The following NNMT variants were observed in gnomAD, a reference collection of about 807,000 sequenced individuals.
NNMT encodes the protein nicotinamide N-methyltransferase.
In NNMT, 10 loss-of-function variants were observed where a neutral mutation model predicts 11.7. The ratio of observed to expected loss-of-function variants is 0.85; its 90% CI spans 0.53 to 1.45. The LOEUF (loss-of-function observed/expected upper bound fraction) is 1.45, where lower values mean the gene tolerates loss of function less well. Among genes scored for constraint, NNMT ranks in the 40% most tolerant of loss-of-function variants. NNMT has a pLI of 0.00. For synonymous variants in NNMT, 143 were observed against 133.8 expected (o/e 1.07, Z -0.48); for missense variants, 381 against 319.4 (o/e 1.19, Z -1.47).
chr11:114,283,246 G>A (rs1180248045), intron 2 of NNMT, among the ~76,000 whole-genome samples: 1 of 152,186 alleles, frequency 6.6e-6, no homozygotes, highest in African/African-American at 2.4e-5. Flanking sequence ...ATTGTGTTGG[G>A]GAGTTGGAAA....
rs557603024 is a variant in NNMT, at chr11:114,281,517, G to T, written c.-129-14911G>T. Among the ~76,000 whole-genome samples the T allele has an allele frequency of 6.6e-5, 10 of 152,214 alleles. No individual in the cohort carries two copies. The South Asian group carries it at 1.5e-3, about 22-fold the overall frequency. ...CCCAAGCTGACTATTAAAGATAAAA[G>T]AATTTAGACAAGCAAAGGGAGGGAG... is the stretch of plus-strand genomic sequence containing the variant. On this transcript the variant is annotated intron_variant, in intron 2 of 4. Coordinates refer to the NNMT transcript ENST00000535401.
rs117949661 is a variant in NNMT at position 114,273,980 on chromosome 11, T to C, written c.-130+11046T>C. ...TGAACAGGTAATTTACAGTGGTCAA[T>C]TGGCAGTTGAAGTGACAAAGCTTGT... On this transcript the variant is annotated intron_variant, in intron 2 of 4. Transcript: ENST00000535401. Among the ~76,000 whole-genome samples, 459 of 152,284 alleles carry C rather than the reference T, an allele frequency of 3.0e-3. 2 individuals are homozygous for C. Among genetic ancestry groups the C allele is most frequent in the East Asian group, 0.021 (111 of 5,176 alleles).
At chr11:114,260,855 C>T (rs979675428) in intron 1 of NNMT, among the ~76,000 whole-genome samples, 9 of 152,168 alleles carry the variant, frequency 5.9e-5, no homozygotes, top group Non-Finnish European at 1.2e-4. Context: ...GGGATTCAGT[C>T]GAGGGGACCT....
rs528729246 is a variant in NNMT, at chr11:114,287,331, A to G, written c.-129-9097A>G. Among the ~76,000 whole-genome samples, 6 of 152,312 alleles carry G rather than the reference A, an allele frequency of 3.9e-5. 1 individual carries two copies. The South Asian group carries it at 1.2e-3, about 32-fold the overall frequency. On this transcript the variant is annotated intron_variant, in intron 2 of 4. Coordinates refer to the NNMT transcript ENST00000535401. Reference sequence around the variant, plus strand: ...AATCGTTATCTGCACCCAAGGTCATAAAGATATTCTTCTACATTACCTTCT... The same window carrying G: ...AATCGTTATCTGCACCCAAGGTCATGAAGATATTCTTCTACATTACCTTCT...
upstream of NNMT, among the ~76,000 whole-genome samples, chr11:114,295,619 C>T (rs1445770117): frequency 2.0e-5 from 3 of 151,178 alleles, no homozygotes; most frequent in South Asian, 2.1e-4. Flanking sequence ...TTAGTAGAGA[C>T]GGGGTTTCAC....
chr11:114,277,218 G>A lies in NNMT; in HGVS notation c.-130+14284G>A, dbSNP rs1466036723. 2.0e-5 allele frequency among the ~76,000 whole-genome samples: 3 copies of A among 152,110 alleles called. No homozygotes were observed. In the South Asian group the frequency reaches 6.2e-4, roughly 32 times the overall value. ...AGCCTGGGCGACATAGCAAGACTCTGTCTCAAAAAGTAAATAAATAAATAA... is the reference window on the plus strand; with the variant it reads ...AGCCTGGGCGACATAGCAAGACTCTATCTCAAAAAGTAAATAAATAAATAA... On this transcript the variant is annotated intron_variant, in intron 2 of 4. Coordinates refer to the NNMT transcript ENST00000535401.
At chr11:114,259,345 A>C (rs1459042875) in intron 1 of NNMT, among the ~76,000 whole-genome samples, 1 of 96,654 alleles carries the variant, frequency 1.0e-5, no homozygotes, top group Non-Finnish European at 2.1e-5. Flanking sequence ...GCAGAGGCCC[A>C]GTGGGGGGGG....
chr11:114,307,401 C>A (rs1177083775), intron 2 of NNMT, among the ~76,000 whole-genome samples: 2 of 152,134 alleles, frequency 1.3e-5, no homozygotes, highest in Admixed American at 6.5e-5. Flanking sequence ...AAGCTCTGTC[C>A]ATTTTACTTC....
intron 1 of NNMT, among the ~76,000 whole-genome samples, chr11:114,261,882 A>T (rs1228487268): frequency 6.6e-6 from 1 of 152,138 alleles, no homozygotes; most frequent in African/African-American, 2.4e-5. Context: ...GTCAGCCCTA[A>T]CCCCAGGGAT....
chr11:114,273,746 A>C (rs1449674693), intron 2 of NNMT, among the ~76,000 whole-genome samples: 1 of 152,192 alleles, frequency 6.6e-6, no homozygotes, highest in Non-Finnish European at 1.5e-5. Flanking sequence ...AGGCTGAAGC[A>C]GGAGAATCAC....
intron 2 of NNMT, among the ~76,000 whole-genome samples, chr11:114,268,311 C>A (rs536039011): frequency 2.6e-4 from 39 of 152,244 alleles, no homozygotes; most frequent in African/African-American, 8.4e-4. Context: ...TTTTTCCAGC[C>A]TCTCCCAGCT....
rs1312068893 is a variant in NNMT at position 114,268,877 on chromosome 11, AGGTTTTGTCC to A, written c.-130+5954_-130+5963del. The stretch of plus-strand genomic sequence containing the variant: ...GGGAATCTGAAAGCAGCTGTGTCAT[AGGTTTTGTCC>A]GGTTTTGTCCAGTTTCGTAGTTGTT... On this transcript the variant is annotated intron_variant, in intron 2 of 4. Transcript: ENST00000535401. 2.6e-5 allele frequency among the ~76,000 whole-genome samples: 4 copies of A among 151,826 alleles called. No homozygotes were observed. The East Asian group carries it at 7.7e-4, about 29-fold the overall frequency.
chr11:114,276,033 G>A (rs1253594414), intron 2 of NNMT, among the ~76,000 whole-genome samples: 1 of 152,134 alleles, frequency 6.6e-6, no homozygotes, highest in African/African-American at 2.4e-5. Context: ...TGTGACATTT[G>A]GAAAGAATGG....
chr11:114,281,188 G>A (rs1945260541), intron 2 of NNMT, among the ~76,000 whole-genome samples: 1 of 152,250 alleles, frequency 6.6e-6, no homozygotes, highest in African/African-American at 2.4e-5. Flanking sequence ...TAAAACCCAC[G>A]AAGCTGGGGC....
chr11:114,266,330 T>G (rs1043801954), intron 2 of NNMT, among the ~76,000 whole-genome samples: 3 of 152,226 alleles, frequency 2.0e-5, no homozygotes, highest in Non-Finnish European at 2.9e-5. Flanking sequence ...TACTTATGCC[T>G]ATCACAGGGC....
chr11:114,278,693 T>TG (rs1174385942), intron 2 of NNMT, among the ~76,000 whole-genome samples: 3 of 152,002 alleles, frequency 2.0e-5, no homozygotes, highest in Admixed American at 2.0e-4. Context: ...ATTCAGGTAG[T>TG]GGAGAGTGGC....
intron 2 of NNMT, among the ~76,000 whole-genome samples, chr11:114,284,857 C>T (rs191926981): frequency 2.4e-4 from 36 of 148,606 alleles, no homozygotes; most frequent in African/African-American, 8.4e-4. Context: ...GCAACCTCCA[C>T]CTTCTGGGTT....
In NNMT at chr11:114,298,016, G is replaced by C. The variant is rs754656615; in HGVS notation, c.220G>C (p.Ala74Pro). The change falls in exon 2 of 3, where the codon GCT (alanine) becomes CCT (proline). Residue 74 changes from alanine to proline, a missense_variant. Transcript: ENST00000299964. ...SGPTIYQLLSACESFKEIVVT... is the reference protein window; with the variant it reads ...SGPTIYQLLSPCESFKEIVVT... ...CCCCACTATCTATCAGCTCCTCTCTGCTTGTGAATCCTTTAAGGAGATCGT... is the reference window on the plus strand; with the variant it reads ...CCCCACTATCTATCAGCTCCTCTCTCCTTGTGAATCCTTTAAGGAGATCGT... 3 of 1,613,970 alleles carry C rather than the reference G, an allele frequency of 1.9e-6. No individual in the cohort carries two copies. In the Admixed American group the frequency reaches 5.0e-5, roughly 27 times the overall value.
chr11:114,292,166 A>C (rs192799646), upstream of NNMT, among the ~76,000 whole-genome samples: 5 of 152,304 alleles, frequency 3.3e-5, no homozygotes, highest in Admixed American at 6.5e-5. Context: ...ATTCAATTAC[A>C]TATAACATTC....
Sources: gnomAD v4.1 joint callset for allele counts (sites outside exome capture counted in the v4.1 genomes callset) on GRCh38, gnomAD v4.1.1 for gene constraint, MANE v1.5 for transcripts, NCBI Gene and HGNC (gene_info 2026-07-23, HGNC 2026-07-21) for gene names.